Variants in AUH observed in about 807,000 individuals in gnomAD.
The protein encoded by AUH is AU RNA binding methylglutaconyl-CoA hydratase.
AUH carries 29 observed loss-of-function variants against 42.3 expected under a neutral mutation model. The observed-to-expected ratio is 0.69, with a 90% CI of 0.51 to 0.93. The LOEUF (loss-of-function observed/expected upper bound fraction) is 0.93. Among genes scored for constraint, AUH ranks in the 40% least tolerant of loss-of-function variants. The pLI is 0.00. For synonymous variants in AUH, 174 were observed against 166.4 expected (o/e 1.05, Z -0.35); for missense variants, 452 against 438.1 (o/e 1.03, Z -0.28).
intron 6 of AUH, among the ~76,000 whole-genome samples, chr9:91,272,067 G>A (rs10991863): frequency 0.072 from 10,897 of 152,184 alleles, 675 homozygotes; most frequent in East Asian, 0.26. Context: ...AAATGCTTTT[G>A]TATGTTAAAT....
chr9:91,354,999 G>C (rs1017734991), intron 3 of AUH, among the ~76,000 whole-genome samples: 15 of 152,054 alleles, frequency 9.9e-5, no homozygotes, highest in Admixed American at 3.3e-4. Context: ...ACTCACATTT[G>C]ACAAATGTGA....
At position 91,249,292 on chromosome 9, in the gene AUH, C is replaced by CAAA. The variant is rs59102669; in HGVS notation, c.656-28303_656-28301dup. On this transcript the variant is annotated intron_variant, in intron 6 of 9. Transcript: ENST00000375731. ...TGCCTGGGCGACAGAGAACCTGTCT[C>CAAA]AAAAAAAAAAAAAAAAAAAAAAAAA... Among the ~76,000 whole-genome samples, 235 of 32,514 alleles carry CAAA rather than the reference C, an allele frequency of 7.2e-3. 10 individuals are homozygous for CAAA. Among genetic ancestry groups the CAAA allele is most frequent in the African/African-American group, 9.3e-3 (92 of 9,850 alleles). 21.3% of individuals were successfully genotyped at this position (32,514 alleles called of 152,430 possible).
intron 3 of AUH, among the ~76,000 whole-genome samples, chr9:91,351,906 C>T (rs1832019940): frequency 1.3e-5 from 2 of 152,130 alleles, no homozygotes; most frequent in African/African-American, 4.8e-5. Context: ...GTATTGAATG[C>T]TGTAGGTAAC....
chr9:91,272,927 T>C (rs1409334956), intron 6 of AUH, among the ~76,000 whole-genome samples: 1 of 152,158 alleles, frequency 6.6e-6, no homozygotes, highest in Non-Finnish European at 1.5e-5. Context: ...TACATAACAT[T>C]TGTACTTTAG....
chr9:91,222,370 C>T (rs558283319), intron 6 of AUH, among the ~76,000 whole-genome samples: 1 of 152,166 alleles, frequency 6.6e-6, no homozygotes, highest in African/African-American at 2.4e-5. Flanking sequence ...ACAGGTAACA[C>T]TTAGAAAAAG....
At chr9:91,295,178 T>C (rs1164206380) in intron 6 of AUH, among the ~76,000 whole-genome samples, 2 of 152,346 alleles carry the variant, frequency 1.3e-5, no homozygotes, top group African/African-American at 4.8e-5. Context: ...CCTTCTGTCA[T>C]GACTGTGAGG....
At chr9:91,335,194 T>C (rs985592305) in intron 3 of AUH, among the ~76,000 whole-genome samples, 3 of 152,240 alleles carry the variant, frequency 2.0e-5, no homozygotes, top group African/African-American at 4.8e-5. Flanking sequence ...TCTGAAGTCA[T>C]TGTGGCCCGG....
chr9:91,327,269 T>A lies in AUH; in HGVS notation c.419-1865A>T, dbSNP rs554772819. Among the ~76,000 whole-genome samples, 44 of 152,244 alleles carry A rather than the reference T, an allele frequency of 2.9e-4. 1 individual carries two copies. In the South Asian group the frequency reaches 8.9e-3, roughly 31 times the overall value. ...CCAGCAGACAGGGATGTGTCCCCAG[T>A]GAAACCCAACCTTCAAGCCACTGAC... On this transcript the variant is annotated intron_variant, in intron 3 of 9. Coordinates refer to ENST00000375731, the MANE Select transcript of AUH (RefSeq NM_001698.3).
At chr9:91,248,879 T>G (rs1828947867) in intron 6 of AUH, among the ~76,000 whole-genome samples, 1 of 152,226 alleles carries the variant, frequency 6.6e-6, no homozygotes, top group Non-Finnish European at 1.5e-5. Context: ...TTACTGTTAT[T>G]ATTAGCAGGC....
rs1412484451 is a variant in AUH, at chr9:91,345,768, G to A, written c.418+10115C>T. Among the ~76,000 whole-genome samples, 3 of 149,428 alleles carry A rather than the reference G, an allele frequency of 2.0e-5. No homozygotes were observed. The East Asian group carries it at 6.0e-4, about 30-fold the overall frequency. On this transcript the variant is annotated intron_variant, in intron 3 of 9. Transcript: ENST00000375731. ...GAATGGTGTGAACCCAAGAGGTGGAGCTTGCAGTGAGCCAAGATCACGCCA... is the reference window on the plus strand; with the variant it reads ...GAATGGTGTGAACCCAAGAGGTGGAACTTGCAGTGAGCCAAGATCACGCCA...
intron 6 of AUH, among the ~76,000 whole-genome samples, chr9:91,238,122 A>G (rs1828295264): frequency 6.6e-6 from 1 of 152,220 alleles, no homozygotes; most frequent in Non-Finnish European, 1.5e-5. Flanking sequence ...TTGAAAGCTT[A>G]AAAGTCAGAA....
intron 6 of AUH, among the ~76,000 whole-genome samples, chr9:91,281,077 A>G (rs544695381): frequency 6.6e-6 from 1 of 151,922 alleles, no homozygotes; most frequent in Non-Finnish European, 1.5e-5. Flanking sequence ...AAAGTTTTCA[A>G]CCATTATTTC....
chr9:91,246,812 T>A (rs1346499277), intron 6 of AUH, among the ~76,000 whole-genome samples: 3 of 152,186 alleles, frequency 2.0e-5, no homozygotes, highest in Admixed American at 6.5e-5. Context: ...AAGCACAAAA[T>A]CCAAGAGTTA....
chr9:91,246,520 G>A (rs973557696), intron 6 of AUH, among the ~76,000 whole-genome samples: 1 of 152,158 alleles, frequency 6.6e-6, no homozygotes, highest in Non-Finnish European at 1.5e-5. Flanking sequence ...CAATATATGA[G>A]ACTCAAAGAG....
chr9:91,308,877 G>A (rs1292790434), intron 4 of AUH, among the ~76,000 whole-genome samples: 1 of 148,856 alleles, frequency 6.7e-6, no homozygotes, highest in Non-Finnish European at 1.5e-5. Context: ...TGCAACCTCC[G>A]CCTCCCAGGT....
chr9:91,249,189 T>C (rs901716434), intron 6 of AUH, among the ~76,000 whole-genome samples: 1 of 146,382 alleles, frequency 6.8e-6, no homozygotes, highest in Non-Finnish European at 1.5e-5. Context: ...CCCAGCTACT[T>C]GGGGGGCTAA....
Position 91,214,310 on chromosome 9 carries a change from C to T in AUH, c.*38G>A. The T allele has an allele frequency of 6.5e-7, 1 of 1,538,446 alleles. No individual in the cohort carries two copies. Among genetic ancestry groups the T allele is most frequent in the Non-Finnish European group, 8.9e-7 (1 of 1,119,744 alleles). ...ATCCGAAAGACACTTCCAGGAAGTA[C>T]ATTTATTACATTGGCATCTTAAGAA... On this transcript the variant is annotated 3_prime_UTR_variant, in exon 10 of 10. Coordinates refer to ENST00000375731, the MANE Select transcript of AUH (RefSeq NM_001698.3).
chr9:91,354,845 C>A (rs1832282879), intron 3 of AUH, among the ~76,000 whole-genome samples: 2 of 152,014 alleles, frequency 1.3e-5, no homozygotes, highest in Admixed American at 1.3e-4. Context: ...TCCTTTACCT[C>A]AAGATCATAT....
intron 6 of AUH, 124 bp from the exon 7 acceptor site, chr9:91,221,116 G>A: frequency 9.5e-7 from 1 of 1,055,850 alleles, no homozygotes; most frequent in East Asian, 2.5e-5. Context: ...AAAATTAGTA[G>A]CTGGAAAACT....
Sources: gnomAD v4.1 joint callset for allele counts (sites outside exome capture counted in the v4.1 genomes callset) on GRCh38, gnomAD v4.1.1 for gene constraint, MANE v1.5 for transcripts, NCBI Gene and HGNC (gene_info 2026-07-23, HGNC 2026-07-21) for gene names.